The following PCDH15 variants were observed in gnomAD, a reference collection of about 807,000 sequenced individuals.
The protein encoded by PCDH15 is protocadherin-15.
Under a neutral mutation model 178.5 loss-of-function variants are expected in PCDH15, and 129 were observed. The ratio of observed to expected loss-of-function variants is 0.72; its 90% CI spans 0.63 to 0.84. The LOEUF (loss-of-function observed/expected upper bound fraction) is 0.84, where lower values mean the gene tolerates loss of function less well. Ranked by LOEUF, PCDH15 falls within the 40% of genes least tolerant of loss-of-function variation. The probability of loss-of-function intolerance (pLI) is 0.00; values close to 1 mark genes in which losing one functional copy is unlikely to be tolerated. For missense variants in PCDH15, 2,230 were observed against 2,099.9 expected, an observed-to-expected ratio of 1.06 and a Z score of -1.21; for synonymous variants, 800 against 732.0, an observed-to-expected ratio of 1.09 and a Z score of -1.50.
chr10:54,127,289 G>A (rs2042065532), intron 15 of PCDH15, among the ~76,000 whole-genome samples: 1 of 152,060 alleles, frequency 6.6e-6, no homozygotes. Context: ...GTATACATTT[G>A]TTATCCATTT....
intron 2 of PCDH15, among the ~76,000 whole-genome samples, chr10:55,113,253 T>C (rs1837552868): frequency 1.3e-5 from 2 of 152,204 alleles, no homozygotes; most frequent in African/African-American, 2.4e-5. Flanking sequence ...TTAAAGTCCA[T>C]AATTTATTCA....
chr10:53,972,430 T>C (rs1231655396), intron 21 of PCDH15, among the ~76,000 whole-genome samples: 1 of 152,030 alleles, frequency 6.6e-6, no homozygotes, highest in Non-Finnish European at 1.5e-5. Flanking sequence ...AAGCCAAAAT[T>C]GACAAATTGG....
chr10:54,181,192 C>T (rs1170938677), intron 13 of PCDH15, among the ~76,000 whole-genome samples: 1 of 151,968 alleles, frequency 6.6e-6, no homozygotes. Flanking sequence ...GATTTTTCTA[C>T]CTGTGAAAAG....
intron 1 of PCDH15, among the ~76,000 whole-genome samples, chr10:55,193,642 C>T (rs369584905): frequency 1.8e-4 from 28 of 151,916 alleles, no homozygotes; most frequent in African/African-American, 6.8e-4. Flanking sequence ...TTCTCATATG[C>T]TAAGTTACAT....
chr10:53,862,177 G>C (rs777271214), intron 27 of PCDH15, among the ~76,000 whole-genome samples: 7 of 151,718 alleles, frequency 4.6e-5, no homozygotes, highest in Non-Finnish European at 1.0e-4. Context: ...TCATTCTCCC[G>C]AGTATCTGGG....
In PCDH15 at chr10:54,561,283, A is replaced by G. The variant is rs536518487; in HGVS notation, c.92-33406T>C. Among the ~76,000 whole-genome samples the G allele has an allele frequency of 6.6e-5, 10 of 152,284 alleles. No homozygotes were observed. In the South Asian group the frequency reaches 1.4e-3, roughly 22 times the overall value. ...GGGATTTTCCACATGAGGGCTTCCA[A>G]TTGAAAATATTTACATATAAAATGT... is the stretch of plus-strand genomic sequence containing the variant. On this transcript the variant is annotated intron_variant, in intron 2 of 37. Coordinates refer to ENST00000644397, the MANE Select transcript of PCDH15 (RefSeq NM_001384140.1).
intron 20 of PCDH15, among the ~76,000 whole-genome samples, chr10:54,002,455 C>G (rs1225074842): frequency 6.6e-6 from 1 of 152,098 alleles, no homozygotes; most frequent in Non-Finnish European, 1.5e-5. Context: ...CAAAACAAGT[C>G]TTAACACATT....
intron 8 of PCDH15, among the ~76,000 whole-genome samples, chr10:54,257,087 A>AGATAGATG (rs1292481361): frequency 6.6e-6 from 1 of 152,076 alleles, no homozygotes; most frequent in East Asian, 1.9e-4. Flanking sequence ...ATAGATAGAT[A>AGATAGATG]GATACTGAGA....
chr10:54,680,918 A>C (rs2094888269), intron 1 of PCDH15, among the ~76,000 whole-genome samples: 1 of 152,192 alleles, frequency 6.6e-6, no homozygotes, highest in Non-Finnish European at 1.5e-5. Flanking sequence ...AGTAGGGAGA[A>C]GATTGCTAGG....
chr10:54,448,294 T>A (rs1474929342), intron 3 of PCDH15, among the ~76,000 whole-genome samples: 1 of 151,724 alleles, frequency 6.6e-6, no homozygotes, highest in Non-Finnish European at 1.5e-5. Flanking sequence ...TCAGGAGCTG[T>A]GACATGCCCA....
chr10:55,252,855 A>G (rs1285840601), intron 1 of PCDH15, among the ~76,000 whole-genome samples: 1 of 152,136 alleles, frequency 6.6e-6, no homozygotes, highest in Non-Finnish European at 1.5e-5. Flanking sequence ...TAGTCACTAA[A>G]GAAACCTGTA....
intron 3 of PCDH15, among the ~76,000 whole-genome samples, chr10:54,848,249 G>A (rs1419367047): frequency 6.6e-6 from 1 of 152,010 alleles, no homozygotes; most frequent in Non-Finnish European, 1.5e-5. Flanking sequence ...TGGGCATGGT[G>A]GCAGACGCCT....
At chr10:55,278,521 G>A (rs1228943165) in intron 1 of PCDH15, among the ~76,000 whole-genome samples, 1 of 151,912 alleles carries the variant, frequency 6.6e-6, no homozygotes, top group Non-Finnish European at 1.5e-5. Context: ...CACCACATCT[G>A]GCCATATCTG....
intron 25 of PCDH15, among the ~76,000 whole-genome samples, chr10:53,938,223 T>A (rs2085743816): frequency 6.6e-6 from 1 of 152,156 alleles, no homozygotes; most frequent in South Asian, 2.1e-4. Flanking sequence ...GGCTTAAATC[T>A]GTGACGCTTT....
intron 3 of PCDH15, among the ~76,000 whole-genome samples, chr10:54,873,417 G>A (rs929492903): frequency 1.8e-4 from 27 of 150,824 alleles, no homozygotes; most frequent in African/African-American, 6.3e-4. Flanking sequence ...TATGTCCTCC[G>A]CAAATTACCT....
chr10:54,365,312 A>G (rs1341643159), intron 5 of PCDH15, among the ~76,000 whole-genome samples: 5 of 152,142 alleles, frequency 3.3e-5, no homozygotes, highest in African/African-American at 1.2e-4. Context: ...GTGCATAAAA[A>G]GAGCTTACCA....
At chr10:54,004,485 GA>G (rs1420220589) in intron 20 of PCDH15, among the ~76,000 whole-genome samples, 1 of 150,018 alleles carries the variant, frequency 6.7e-6, no homozygotes, top group East Asian at 2.0e-4. Flanking sequence ...AATCAACACA[GA>G]AAAATCAGTA....
chr10:53,822,480 G>GGGGGAA, intron 32 of PCDH15: 1 of 1,609,588 alleles, frequency 6.2e-7, no homozygotes, highest in East Asian at 2.2e-5. Context: ...AGGAGGAGGA[G>GGGGGAA]GGGGAAGGGG....
intron 2 of PCDH15, among the ~76,000 whole-genome samples, chr10:55,501,915 T>A (rs529712690): frequency 7.9e-5 from 12 of 151,814 alleles, no homozygotes; most frequent in African/African-American, 2.9e-4. Flanking sequence ...GAAAAAACAA[T>A]CTTTTAACAA....
Sources: allele counts gnomAD v4.1 joint callset (sites outside exome capture counted in the v4.1 genomes callset), GRCh38; gene constraint gnomAD v4.1.1; transcripts MANE v1.5; gene names NCBI Gene and HGNC (gene_info 2026-07-23, HGNC 2026-07-21).